BBS9: variants seen among roughly 807,000 people sequenced by gnomAD.
BBS9 encodes Bardet-Biedl syndrome 9.
Under a neutral mutation model 117.7 loss-of-function variants are expected in BBS9, and 89 were observed. The ratio of observed to expected loss-of-function variants is 0.76; its 90% CI spans 0.64 to 0.90. The LOEUF (loss-of-function observed/expected upper bound fraction) is 0.90, where lower values mean the gene tolerates loss of function less well. BBS9 is among the 40% of genes least tolerant of loss of function. BBS9 has a pLI of 0.00. For missense variants in BBS9, 982 were observed against 1,042.2 expected, an observed-to-expected ratio of 0.94 and a Z score of 0.80; for synonymous variants, 379 against 370.9, an observed-to-expected ratio of 1.02 and a Z score of -0.25.
intron 18 of BBS9, among the ~76,000 whole-genome samples, chr7:33,384,134 CTATT>C (rs1485915024): frequency 1.3e-5 from 2 of 152,212 alleles, no homozygotes; most frequent in African/African-American, 4.8e-5. Flanking sequence ...AGTGTTAAAA[CTATT>C]TGAGCTTATC....
At chr7:33,214,375 T>A (rs1009821342) in intron 5 of BBS9, among the ~76,000 whole-genome samples, 3 of 152,220 alleles carry the variant, frequency 2.0e-5, no homozygotes, top group Non-Finnish European at 4.4e-5. Context: ...GATTCAAGAC[T>A]GTGTCTCCGA....
intron 20 of BBS9, among the ~76,000 whole-genome samples, chr7:33,521,993 G>A (rs1324976402): frequency 6.8e-6 from 1 of 148,062 alleles, no homozygotes. Context: ...GAGAATATGC[G>A]GTGTTTGGTT....
chr7:33,527,910 C>T (rs1849895680), intron 20 of BBS9, among the ~76,000 whole-genome samples: 1 of 152,156 alleles, frequency 6.6e-6, no homozygotes, highest in South Asian at 2.1e-4. Flanking sequence ...TGAAAAGGCC[C>T]TGTACTTTCC....
chr7:33,287,960 G>A (rs911026553), intron 9 of BBS9, among the ~76,000 whole-genome samples: 44 of 152,124 alleles, frequency 2.9e-4, no homozygotes, highest in African/African-American at 6.8e-4. Context: ...CTTGCACAGC[G>A]GGGCTTGCCT....
At chr7:33,194,699 G>T (rs548619959) in intron 5 of BBS9, among the ~76,000 whole-genome samples, 1 of 152,172 alleles carries the variant, frequency 6.6e-6, no homozygotes, top group African/African-American at 2.4e-5. Flanking sequence ...TTTAAACTGT[G>T]TAAGTGTTTT....
At chr7:33,471,846 C>T (rs1841081871) in intron 19 of BBS9, among the ~76,000 whole-genome samples, 2 of 152,176 alleles carry the variant, frequency 1.3e-5, no homozygotes, top group South Asian at 4.1e-4. Flanking sequence ...TGAACTGCCA[C>T]CAGGTCACTG....
At chr7:33,156,913 A>C (rs1794175186) in intron 4 of BBS9, among the ~76,000 whole-genome samples, 1 of 152,012 alleles carries the variant, frequency 6.6e-6, no homozygotes, top group African/African-American at 2.4e-5. Context: ...TAAATGGAGA[A>C]GGTATTATCA....
intron 21 of BBS9, among the ~76,000 whole-genome samples, chr7:33,547,657 AGT>A (rs1481335365): frequency 6.6e-6 from 1 of 152,196 alleles, no homozygotes; most frequent in Non-Finnish European, 1.5e-5. Flanking sequence ...ATCACATTAA[AGT>A]TGATTTGCAA....
In BBS9 at chr7:33,426,843, G is replaced by A. The variant is rs557993808; in HGVS notation, c.2115+38699G>A. Reference sequence around the variant, plus strand: ...TTTTGTTTCTGTGCATCTTGTGAGCGGAGGGACTAGTCAGTGCCTTTGTTC... The same window carrying A: ...TTTTGTTTCTGTGCATCTTGTGAGCAGAGGGACTAGTCAGTGCCTTTGTTC... On this transcript the variant is annotated intron_variant, in intron 19 of 22. Coordinates refer to ENST00000242067, the MANE Select transcript of BBS9 (RefSeq NM_198428.3). 1.1e-4 allele frequency among the ~76,000 whole-genome samples: 17 copies of A among 152,194 alleles called. No homozygotes were observed. The South Asian group carries it at 1.5e-3, about 13-fold the overall frequency.
At chr7:33,275,962 G>A (rs181920945) in intron 9 of BBS9, among the ~76,000 whole-genome samples, 2 of 152,142 alleles carry the variant, frequency 1.3e-5, no homozygotes, top group Admixed American at 6.5e-5. Context: ...TTTATTTTCG[G>A]TACCTGTGAG....
At chr7:33,252,323 C>G (rs887500809) in intron 5 of BBS9, among the ~76,000 whole-genome samples, 2 of 152,136 alleles carry the variant, frequency 1.3e-5, no homozygotes, top group African/African-American at 4.8e-5. Flanking sequence ...GGACACAGAT[C>G]CAAACCATAT....
At chr7:33,377,881 CAGCTCTAGCTTAAAATTCTTCTGA>C (rs1824186521) in intron 17 of BBS9, among the ~76,000 whole-genome samples, 1 of 151,886 alleles carries the variant, frequency 6.6e-6, no homozygotes, top group Admixed American at 6.6e-5. Context: ...GTTTAGATCC[CAGCTCTAGCTTAAAATTCTTCTGA>C]ATGACTTTGG....
chr7:33,333,522 T>G (rs1814600161), intron 9 of BBS9, among the ~76,000 whole-genome samples: 2 of 152,192 alleles, frequency 1.3e-5, no homozygotes, highest in South Asian at 2.1e-4. Context: ...AAGAAGATTT[T>G]TTTTTCTTCA....
chr7:33,608,987 T>G (rs1427389617), downstream of BBS9, among the ~76,000 whole-genome samples: 1 of 152,152 alleles, frequency 6.6e-6, no homozygotes, highest in Non-Finnish European at 1.5e-5. Flanking sequence ...TCTTATAGCT[T>G]GAGGTCTTAC....
intron 1 of BBS9, among the ~76,000 whole-genome samples, chr7:33,142,052 C>T (rs1791556457): frequency 6.6e-6 from 1 of 152,000 alleles, no homozygotes; most frequent in Non-Finnish European, 1.5e-5. Flanking sequence ...TCTCCTGCCT[C>T]AGCTTCCCGA....
intron 9 of BBS9, among the ~76,000 whole-genome samples, chr7:33,314,045 C>T (rs1809916939): frequency 6.6e-6 from 1 of 152,014 alleles, no homozygotes; most frequent in African/African-American, 2.4e-5. Context: ...AAGAAAGGAC[C>T]AACAAGACAT....
intron 21 of BBS9, among the ~76,000 whole-genome samples, chr7:33,628,190 A>G (rs1244530121): frequency 4.3e-4 from 65 of 152,140 alleles, no homozygotes; most frequent in Admixed American, 4.2e-3. Context: ...CTGATACCCA[A>G]CCAGACAAAA....
chr7:33,230,751 T>A (rs1792206874), intron 5 of BBS9, among the ~76,000 whole-genome samples: 1 of 152,210 alleles, frequency 6.6e-6, no homozygotes, highest in African/African-American at 2.4e-5. Context: ...AAAGACATTA[T>A]TTTGTTCTTT....
chr7:33,207,957 G>A (rs560636179), intron 5 of BBS9, among the ~76,000 whole-genome samples: 8 of 152,026 alleles, frequency 5.3e-5, no homozygotes, highest in East Asian at 3.9e-4. Flanking sequence ...ATAGGTGTGC[G>A]CCACCATGCC....
Sources: gnomAD v4.1 joint callset for allele counts (sites outside exome capture counted in the v4.1 genomes callset) on GRCh38, gnomAD v4.1.1 for gene constraint, MANE v1.5 for transcripts, NCBI Gene and HGNC (gene_info 2026-07-23, HGNC 2026-07-21) for gene names.